The following OR2A12 variants were observed in gnomAD, a reference collection of about 807,000 sequenced individuals.
OR2A12 encodes olfactory receptor family 2 subfamily A member 12.
For missense variants in OR2A12, 380 were observed against 372.5 expected (o/e 1.02, Z -0.17); for synonymous variants, 153 against 149.3 (o/e 1.02, Z -0.18).
chr7:144,089,691 CAA>C lies in OR2A12; in HGVS notation c.-52+3149_-52+3150del, dbSNP rs59933242. Among the ~76,000 whole-genome samples the C allele has an allele frequency of 3.2e-3, 482 of 152,122 alleles. 4 individuals carry two copies. The highest frequency in any genetic ancestry group is 0.011 in the African/African-American group (466 of 41,500). ...ATGATTCTCACTAATTGCTAATACA[CAA>C]GTTTAATACATTATTTTAACAAATC... On this transcript the variant is annotated intron_variant, in intron 1 of 1. Coordinates refer to ENST00000641592, the MANE Select transcript of OR2A12 (RefSeq NM_001004135.2).
intron 1 of OR2A12, among the ~76,000 whole-genome samples, chr7:144,086,902 G>A (rs2051191562): frequency 1.3e-5 from 2 of 152,268 alleles, no homozygotes; most frequent in South Asian, 2.1e-4. Flanking sequence ...ACACCTTCAC[G>A]GAGACCCCTT....
rs2051263008 is a variant in OR2A12, at chr7:144,096,093, T to G, written c.*53T>G. The G allele has an allele frequency of 3.9e-6, 5 of 1,269,682 alleles. No individual in the cohort carries two copies. The African/African-American group carries it at 6.0e-5, about 15-fold the overall frequency. 78.7% of individuals were successfully genotyped at this position (1,269,682 alleles called of 1,614,324 possible). A position where few individuals can be genotyped will look rare whatever the true frequency, so the allele number is the denominator to read the frequency against. On this transcript the variant is annotated 3_prime_UTR_variant, in exon 2 of 2. Transcript: ENST00000641592. ...TAAGCATGGTTCTCATGACCCTGGG[T>G]CCTGAAATTTCCTTTTTAATTCTTT...
At chr7:144,093,256 T>C (rs906004402) in intron 1 of OR2A12, among the ~76,000 whole-genome samples, 2 of 152,138 alleles carry the variant, frequency 1.3e-5, no homozygotes, top group African/African-American at 4.8e-5. Flanking sequence ...TATTGTTTCT[T>C]CCCCATTTTC....
rs770997909 is a variant in OR2A12, at chr7:144,095,706, C to A, written c.599C>A (p.Ala200Glu). Residue 200 changes from alanine to glutamate, a missense_variant, in exon 2 of 2, where the codon GCG becomes GAG. Ala to Glu is a moderately radical substitution (Grantham distance 107). Coordinates refer to ENST00000641592, the MANE Select transcript of OR2A12 (RefSeq NM_001004135.2). ...DTRLNQVVLF[A>E]GSAFILVGPL... ...AGGCTCAACCAGGTGGTCCTATTTGCGGGTTCTGCGTTCATCTTAGTGGGG... is the reference window on the plus strand; with the variant it reads ...AGGCTCAACCAGGTGGTCCTATTTGAGGGTTCTGCGTTCATCTTAGTGGGG... The A allele has an allele frequency of 1.2e-6, 2 of 1,613,996 alleles. No homozygotes were observed. The highest frequency in any genetic ancestry group is 2.7e-5 in the African/African-American group (2 of 74,884).
intron 1 of OR2A12, among the ~76,000 whole-genome samples, chr7:144,089,923 G>A (rs971280028): frequency 9.2e-5 from 14 of 151,934 alleles, no homozygotes; most frequent in East Asian, 5.8e-4. Context: ...TCATATATTC[G>A]ATTCACCTCT....
intron 1 of OR2A12, among the ~76,000 whole-genome samples, 172 bp from the exon 2 acceptor site, chr7:144,094,885 C>T (rs186009659): frequency 6.6e-6 from 1 of 152,112 alleles, no homozygotes; most frequent in Non-Finnish European, 1.5e-5. Context: ...CATGAAATCG[C>T]CTAGTTTTTA....
In OR2A12 at chr7:144,095,837, C is replaced by T; in HGVS notation, c.730C>T (p.Leu244Phe). 1 of 1,614,164 alleles carries T rather than the reference C, an allele frequency of 6.2e-7. No individual in the cohort carries two copies. The highest frequency in any genetic ancestry group is 1.1e-5 in the South Asian group (1 of 91,086). The change falls in exon 2 of 2, where the codon CTC (leucine) becomes TTC (phenylalanine). Residue 244 changes from leucine to phenylalanine, a missense_variant. Leu to Phe is a conservative substitution (Grantham distance 22). Coordinates refer to ENST00000641592, the MANE Select transcript of OR2A12 (RefSeq NM_001004135.2). ...RKAFSTCSSH[L>F]CVVGLFFGSA... is the part of the protein sequence containing the mutation. ...GGCCTTCTCTACCTGCTCCTCCCAC[C>T]TCTGCGTGGTGGGGCTTTTCTTTGG...
At chr7:144,094,976 G>A (rs2051250824) in intron 1 of OR2A12, 81 bp from the exon 2 acceptor site, 1 of 628,538 alleles carries the variant, frequency 1.6e-6, no homozygotes, top group Non-Finnish European at 2.7e-6. Flanking sequence ...TGGGCTGGAT[G>A]TACCCATGAA....
chr7:144,090,918 TTATC>T (rs1473069974), intron 1 of OR2A12, among the ~76,000 whole-genome samples: 4 of 152,236 alleles, frequency 2.6e-5, no homozygotes, highest in Non-Finnish European at 5.9e-5. Context: ...CACATTTTCT[TTATC>T]TAGTCTACCA....
At chr7:144,088,075 A>G (rs951909466) in intron 1 of OR2A12, among the ~76,000 whole-genome samples, 2 of 152,178 alleles carry the variant, frequency 1.3e-5, no homozygotes, top group African/African-American at 4.8e-5. Context: ...GTGCAGTGGC[A>G]CGATTTTGGC....
At chr7:144,087,933 A>G (rs538084531) in intron 1 of OR2A12, among the ~76,000 whole-genome samples, 1 of 152,340 alleles carries the variant, frequency 6.6e-6, no homozygotes, top group Admixed American at 6.5e-5. Context: ...TGGATAGCCA[A>G]CCGACACAGC....
At chr7:144,094,402 A>T (rs1431905019) in intron 1 of OR2A12, among the ~76,000 whole-genome samples, 2 of 152,184 alleles carry the variant, frequency 1.3e-5, no homozygotes, top group Non-Finnish European at 1.5e-5. Flanking sequence ...TGAGCTTCAA[A>T]CAATCACATC....
chr7:144,089,331 C>T (rs536558924), intron 1 of OR2A12, among the ~76,000 whole-genome samples: 4 of 148,834 alleles, frequency 2.7e-5, no homozygotes, highest in Non-Finnish European at 4.5e-5. Flanking sequence ...TGTGTGTGTG[C>T]GCGTGTGTGC....
chr7:144,090,800 T>C (rs1352339984), intron 1 of OR2A12, among the ~76,000 whole-genome samples: 4 of 152,226 alleles, frequency 2.6e-5, no homozygotes, highest in African/African-American at 9.6e-5. Flanking sequence ...TTTCTGATCC[T>C]GTTTTCATTT....
chr7:144,095,575 G>A lies in OR2A12; in HGVS notation c.468G>A (p.Leu156=). 2 of 1,614,022 alleles carry A rather than the reference G, an allele frequency of 1.2e-6. No individual in the cohort carries two copies. The highest frequency in any genetic ancestry group is 1.7e-6 in the Non-Finnish European group (2 of 1,179,990). ...GGATATTTAGCTTTCTCTTGGCTCTGGTCCATATTACTCTTATTCTGAGGC... is the reference window on the plus strand; with the variant it reads ...GGATATTTAGCTTTCTCTTGGCTCTAGTCCATATTACTCTTATTCTGAGGC... ...TCWIFSFLLA[L]VHITLILRLP... Residue 156 remains leucine (L), a synonymous_variant, in exon 2 of 2, where the codon CTG becomes CTA. Transcript: ENST00000641592.
In OR2A12 at chr7:144,095,942, C is replaced by T. The variant is rs80128486; in HGVS notation, c.835C>T (p.Leu279Phe). The T allele has an allele frequency of 1.4e-3, 2,302 of 1,614,048 alleles. 37 individuals are homozygous for T. The African/African-American group carries it at 0.027, about 19-fold the overall frequency. Residue 279 changes from leucine (L) to phenylalanine (F), a missense_variant, in exon 2 of 2, where the codon CTT (leucine) becomes TTT (phenylalanine). Transcript: ENST00000641592. The stretch of plus-strand genomic sequence containing the variant: ...GAAGATCCTTTCCCTGTTTTACAGC[C>T]TTTTCAACCCGATCCTGAACCCCCT... The part of the protein sequence containing the change: ...RRKILSLFYS[L>F]FNPILNPLIY...
intron 1 of OR2A12, among the ~76,000 whole-genome samples, chr7:144,092,112 C>T (rs1172561557): frequency 1.3e-5 from 2 of 152,108 alleles, no homozygotes; most frequent in African/African-American, 2.4e-5. Flanking sequence ...ATAGGGAGTG[C>T]TTTCCCCATT....
intron 1 of OR2A12, among the ~76,000 whole-genome samples, chr7:144,093,473 G>A (rs1254983007): frequency 6.6e-6 from 1 of 151,924 alleles, no homozygotes; most frequent in Non-Finnish European, 1.5e-5. Flanking sequence ...AAAATTGTGT[G>A]TTATATTTCT....
chr7:144,089,621 T>C (rs938052842), intron 1 of OR2A12, among the ~76,000 whole-genome samples: 6 of 152,182 alleles, frequency 3.9e-5, no homozygotes, highest in Admixed American at 3.3e-4. Context: ...AAATTTCTTT[T>C]ATTTACTTTG....
Sources: gnomAD v4.1 joint callset for allele counts (sites outside exome capture counted in the v4.1 genomes callset) on GRCh38, gnomAD v4.1.1 for gene constraint, MANE v1.5 for transcripts, NCBI Gene and HGNC (gene_info 2026-07-23, HGNC 2026-07-21) for gene names.